The following RTP5 variants were observed in gnomAD, a reference collection of about 807,000 sequenced individuals.
RTP5 encodes receptor-transporting protein 5.
RTP5 carries 30 observed loss-of-function variants against 23.5 expected under a neutral mutation model. The ratio of observed to expected loss-of-function variants is 1.27; its 90% confidence interval spans 0.95 to 1.73. RTP5 has a LOEUF of 1.73. Among genes scored for constraint, RTP5 ranks in the 40% most tolerant of loss-of-function variants. The pLI, the probability that RTP5 is intolerant of heterozygous loss-of-function variation, is 0.00. For missense variants in RTP5, 807 were observed against 784.2 expected, an observed-to-expected ratio of 1.03 and a Z score of -0.35; for synonymous variants, 354 against 342.1, an observed-to-expected ratio of 1.03 and a Z score of -0.38.
Position 241,871,755 on chromosome 2 carries a change from A to G in RTP5, c.200A>G (p.His67Arg). The G allele has an allele frequency of 6.2e-7, 1 of 1,601,950 alleles. No homozygotes were observed. The highest frequency in any genetic ancestry group is 8.5e-7 in the Non-Finnish European group (1 of 1,175,270). The change falls in exon 2 of 2, where the codon CAT becomes CGT. Residue 67 changes from histidine (H) to arginine (R), a missense_variant. By Grantham distance (29) the His-to-Arg change is conservative (BLOSUM62 0). Transcript: ENST00000343216. ...TGTCCGGGGACCTGGGACTCGGCCC[A>G]TGTGCACGTCCTCTTCCACCTGTGG... ...GHCPGTWDSA[H>R]VHVLFHLWWD...
At chr2:241,871,653 C>G (rs549498808) in intron 1 of RTP5, 61 bp from the exon 2 acceptor site, 2 of 1,507,692 alleles carry the variant, frequency 1.3e-6, no homozygotes, top group Non-Finnish European at 1.8e-6. Context: ...GAGCAGAGTG[C>G]GAGGGCTGGG....
intron 1 of RTP5, 58 bp downstream of exon 1, chr2:241,869,972 G>C: frequency 1.4e-6 from 2 of 1,397,094 alleles, no homozygotes; most frequent in South Asian, 3.2e-5. Context: ...GCTTTTCCAC[G>C]GGACCTTGGG....
Position 241,872,602 on chromosome 2 carries a change from C to G in RTP5, c.1047C>G (p.Phe349Leu), listed in dbSNP as rs371131589. ...LTFPSSLTSIFTNTLSEPTDG... is the reference protein window; with the variant it reads ...LTFPSSLTSILTNTLSEPTDG... Reference sequence around the variant, plus strand: ...TCCCCTCCTCCCTCACCAGCATCTTCACCAACACCCTCTCGGAGCCCACCG... The same window carrying G: ...TCCCCTCCTCCCTCACCAGCATCTTGACCAACACCCTCTCGGAGCCCACCG... The change falls in exon 2 of 2, where the codon TTC becomes TTG. Residue 349 changes from phenylalanine (F) to leucine (L), a missense_variant. Phe to Leu is a conservative substitution (Grantham distance 22, BLOSUM62 0). Transcript: ENST00000343216. 3 of 1,539,308 alleles carry G rather than the reference C, an allele frequency of 1.9e-6. No individual in the cohort carries two copies. Among genetic ancestry groups the G allele is most frequent in the Non-Finnish European group, 1.7e-6 (2 of 1,144,302 alleles).
chr2:241,871,672 C>G lies in RTP5; in HGVS notation c.159-42C>G, dbSNP rs752040153. The G allele has an allele frequency of 7.1e-6, 11 of 1,540,076 alleles. No homozygotes were observed. The African/African-American group carries it at 1.5e-4, about 21-fold the overall frequency. ...AGAGTGCGAGGGCTGGGCGTGGGGC[C>G]TCTTTCTCCTGCACTCACACACACT... is the stretch of plus-strand genomic sequence containing the variant. On this transcript the variant is annotated intron_variant, in intron 1 of 1. Coordinates refer to ENST00000343216, the MANE Select transcript of RTP5 (RefSeq NM_173821.3).
chr2:241,869,878 G>A lies in RTP5; in HGVS notation c.122G>A (p.Gly41Asp), dbSNP rs369440965. Residue 41 changes from glycine (G) to aspartate (D), a missense_variant, in exon 1 of 2, where the codon GGC (glycine) becomes GAC (aspartate). Transcript: ENST00000343216. ...AGCCTGGTCCCGGGATGCCTGGACG[G>A]CGGTGGTGTCCAGTACCTGCTGGTG... Reference protein sequence around the residue: ...EHSLVPGCLDGGGVQYLLVGL... With the variant: ...EHSLVPGCLDDGGVQYLLVGL... The A allele has an allele frequency of 1.5e-4, 233 of 1,583,758 alleles. 1 individual carries two copies. The highest frequency in any genetic ancestry group is 6.2e-4 in the South Asian group (54 of 87,296).
Position 241,871,831 on chromosome 2 carries a change from G to GCCA in RTP5, c.277_278insCAC (p.Gln92_Arg93insPro). On this transcript the variant is annotated inframe_insertion, in exon 2 of 2. Coordinates refer to ENST00000343216, the MANE Select transcript of RTP5 (RefSeq NM_173821.3). ...TGGTGAAGATGCGCATCTGGGGCCA[G>GCCA]CGGTGCAGGCTGTGCCCCGCACCCG... 1 of 1,555,574 alleles carries GCCA rather than the reference G, an allele frequency of 6.4e-7. No homozygotes were observed. Among genetic ancestry groups the GCCA allele is most frequent in the Non-Finnish European group, 8.7e-7 (1 of 1,150,600 alleles).
rs894364207 is a variant in RTP5, at chr2:241,870,331, C to T, written c.158+417C>T. Reference sequence around the variant, plus strand: ...ACACAGCGGGGTGCTCGGCCCTGATCGGGGGCCCGGGGTGGCTGTGGGTCA... The same window carrying T: ...ACACAGCGGGGTGCTCGGCCCTGATTGGGGGCCCGGGGTGGCTGTGGGTCA... On this transcript the variant is annotated intron_variant, in intron 1 of 1. Coordinates refer to ENST00000343216, the MANE Select transcript of RTP5 (RefSeq NM_173821.3). Among the ~76,000 whole-genome samples the T allele has an allele frequency of 2.7e-4, 41 of 152,220 alleles. 1 individual carries two copies. The highest frequency in any genetic ancestry group is 3.8e-4 in the Non-Finnish European group (26 of 68,028).
At chr2:241,871,190 T>C (rs1701310080) in intron 1 of RTP5, 3 of 403,288 alleles carry the variant, frequency 7.4e-6, no homozygotes, top group Admixed American at 5.3e-5. Context: ...CTGGATCGCC[T>C]CCTCTCAGTC....
Position 241,871,762 on chromosome 2 carries a change from C to T in RTP5, c.207C>T (p.His69=), listed in dbSNP as rs773784267. Residue 69 remains histidine, a synonymous_variant, in exon 2 of 2, where the codon CAC becomes CAT. Transcript: ENST00000343216. ...GGACCTGGGACTCGGCCCATGTGCA[C>T]GTCCTCTTCCACCTGTGGTGGGACA... ...CPGTWDSAHV[H]VLFHLWWDRA... The T allele has an allele frequency of 1.8e-5, 29 of 1,599,746 alleles. No homozygotes were observed. Among genetic ancestry groups the T allele is most frequent in the African/African-American group, 1.1e-4 (8 of 74,670 alleles).
At chr2:241,870,123 G>A (rs569281580) in intron 1 of RTP5, among the ~76,000 whole-genome samples, 1 of 152,350 alleles carries the variant, frequency 6.6e-6, no homozygotes, top group Non-Finnish European at 1.5e-5. Context: ...TCCCGGGGAA[G>A]ACATGGCGGG....
chr2:241,871,978 G>A lies in RTP5; in HGVS notation c.423G>A (p.Glu141=), dbSNP rs747707279. The part of the protein sequence containing the change: ...GPARHPREAY[E]GCCEACELGV... The stretch of plus-strand genomic sequence containing the variant: ...CCCGGCACCCCAGGGAGGCCTATGA[G>A]GGCTGCTGTGAGGCCTGTGAGCTGG... The change falls in exon 2 of 2, where the codon GAG becomes GAA. Residue 141 remains glutamate, a synonymous_variant. Transcript: ENST00000343216. 1.3e-6 allele frequency: 2 copies of A among 1,590,630 alleles called. No individual in the cohort carries two copies. The highest frequency in any genetic ancestry group is 2.3e-5 in the East Asian group (1 of 44,110).
At chr2:241,870,109 G>A (rs1701288337) in intron 1 of RTP5, among the ~76,000 whole-genome samples, 195 bp downstream of exon 1, 1 of 152,238 alleles carries the variant, frequency 6.6e-6, no homozygotes, top group Non-Finnish European at 1.5e-5. Flanking sequence ...TGCTGACGCA[G>A]GGGTCCCGGG....
chr2:241,873,351 A>G lies in RTP5; in HGVS notation c.*77A>G, dbSNP rs1701364798. On this transcript the variant is annotated 3_prime_UTR_variant, in exon 2 of 2. Transcript: ENST00000343216. ...GACACCCCCCAACCCCGCCTTTGAG[A>G]TGCCCGCCCCGCCTCCGAGACCCCG... 2.1e-6 allele frequency: 3 copies of G among 1,395,816 alleles called. No homozygotes were observed. The East Asian group carries it at 7.8e-5, about 36-fold the overall frequency. 86.5% of individuals were successfully genotyped at this position (1,395,816 alleles called of 1,614,324 possible). A position where few individuals can be genotyped will look rare whatever the true frequency, so the allele number is the denominator to read the frequency against.
intron 1 of RTP5, chr2:241,870,975 C>T (rs1701305895): frequency 2.1e-6 from 1 of 471,144 alleles, no homozygotes; most frequent in Non-Finnish European, 4.4e-6. Context: ...TGAATCATAG[C>T]CTCTCACTCA....
At position 241,869,740 on chromosome 2, in the gene RTP5, C is replaced by G. The variant is rs780522756; in HGVS notation, c.-17C>G. 1 of 1,501,586 alleles carries G rather than the reference C, an allele frequency of 6.7e-7. No individual in the cohort carries two copies. Among genetic ancestry groups the G allele is most frequent in the African/African-American group, 1.4e-5 (1 of 70,622 alleles). The allele number at this position is 1,501,586 out of a possible 1,614,324, so 93.0% of individuals were successfully genotyped here. A position where few individuals can be genotyped will look rare whatever the true frequency, so the allele number is the denominator to read the frequency against. ...CGGGCGCAGCCCTCAGCCCACACTG[C>G]GGAGCCAGGCGGCAGCATGGACCGG... On this transcript the variant is annotated 5_prime_UTR_variant, in exon 1 of 2. Transcript: ENST00000343216.
rs779985944 is a variant in RTP5, at chr2:241,873,155, C to G, written c.1600C>G (p.Arg534Gly). Residue 534 changes from arginine (R) to glycine (G), a missense_variant, in exon 2 of 2, where the codon CGT becomes GGT. Arg to Gly is a moderately radical substitution (Grantham distance 125). Coordinates refer to ENST00000343216, the MANE Select transcript of RTP5 (RefSeq NM_173821.3). ...EEDERPGRACRRPHAEPYEDF... is the reference protein window; with the variant it reads ...EEDERPGRACGRPHAEPYEDF... ...AGACGAGCGCCCTGGCCGTGCCTGC[C>G]GTAGGCCGCACGCCGAGCCCTACGA... is the stretch of plus-strand genomic sequence containing the variant. 9.9e-6 allele frequency: 16 copies of G among 1,612,190 alleles called. No homozygotes were observed. The East Asian group carries it at 3.3e-4, about 34-fold the overall frequency.
intron 1 of RTP5, 40 bp downstream of exon 1, chr2:241,869,954 C>T (rs1216962400): frequency 2.1e-6 from 3 of 1,434,886 alleles, no homozygotes; most frequent in African/African-American, 3.0e-5. Flanking sequence ...AGGCAGGGGG[C>T]TGAAGGTGCT....
At position 241,869,888 on chromosome 2, in the gene RTP5, C is replaced by A; in HGVS notation, c.132C>A (p.Val44=). 1 of 1,567,058 alleles carries A rather than the reference C, an allele frequency of 6.4e-7. No individual in the cohort carries two copies. Among genetic ancestry groups the A allele is most frequent in the Non-Finnish European group, 8.6e-7 (1 of 1,159,170 alleles). ...LVPGCLDGGG[V]QYLLVGLSRL... ...CGGGATGCCTGGACGGCGGTGGTGTCCAGTACCTGCTGGTGGGGCTCTCGA... is the reference window on the plus strand; with the variant it reads ...CGGGATGCCTGGACGGCGGTGGTGTACAGTACCTGCTGGTGGGGCTCTCGA... The change falls in exon 1 of 2, where the codon GTC becomes GTA. Residue 44 remains valine, a synonymous_variant. Transcript: ENST00000343216.
chr2:241,872,027 C>T lies in RTP5; in HGVS notation c.472C>T (p.Pro158Ser), dbSNP rs898450669. ...GGGGGTCTGCTTCCTCCAGAAGGCC[C>T]CAGACCCCGCCTGGAGCGCCAACGC... ...ELGVCFLQKA[P>S]DPAWSANATK... Residue 158 changes from proline to serine, a missense_variant, in exon 2 of 2, where the codon CCA (proline) becomes TCA (serine). Transcript: ENST00000343216. The T allele has an allele frequency of 3.8e-6, 6 of 1,566,668 alleles. No individual in the cohort carries two copies. The highest frequency in any genetic ancestry group is 5.2e-6 in the Non-Finnish European group (6 of 1,151,678).
Sources: gnomAD v4.1 joint callset for allele counts (sites outside exome capture counted in the v4.1 genomes callset) on GRCh38, gnomAD v4.1.1 for gene constraint, MANE v1.5 for transcripts, NCBI Gene and HGNC (gene_info 2026-07-23, HGNC 2026-07-21) for gene names.